Variants in HIVEP1 observed in about 807,000 individuals in gnomAD.
HIVEP1 encodes the protein HIVEP zinc finger 1, also known as zinc finger protein 40.
Under a neutral mutation model 180.0 loss-of-function variants are expected in HIVEP1, and 36 were observed. The observed-to-expected ratio is 0.20, with a 90% confidence interval of 0.15 to 0.26. HIVEP1 has a LOEUF of 0.26. Ranked by LOEUF, HIVEP1 falls within the 10% of genes least tolerant of loss-of-function variation. HIVEP1 has a pLI of 1.00. For missense variants in HIVEP1, 3,143 were observed against 3,268.7 expected (o/e 0.96, Z 0.94); for synonymous variants, 1,239 against 1,239.0 (o/e 1.00, Z 0.00).
intron 3 of HIVEP1, among the ~76,000 whole-genome samples, chr6:12,097,018 G>T (rs185733736): frequency 3.9e-5 from 6 of 152,150 alleles, no homozygotes; most frequent in African/African-American, 1.2e-4. Flanking sequence ...TATGGCTAGA[G>T]GAAAGGCTAG....
At chr6:12,108,906 G>C (rs746130068) in intron 3 of HIVEP1, among the ~76,000 whole-genome samples, 1 of 152,248 alleles carries the variant, frequency 6.6e-6, no homozygotes, top group African/African-American at 2.4e-5. Flanking sequence ...AGGAGGCGCC[G>C]AGAGGGAGCG....
At chr6:12,129,981 A>G in intron 5 of HIVEP1, 89 bp downstream of exon 5, 1 of 842,278 alleles carries the variant, frequency 1.2e-6, no homozygotes, top group Non-Finnish European at 1.9e-6. Context: ...CTTAGTGCCA[A>G]TTTAGTATCG....
At chr6:12,173,717 T>C in the HIVEP1 span, among the ~76,000 whole-genome samples, 1 of 152,212 alleles carries the variant, frequency 6.6e-6, no homozygotes, top group Non-Finnish European at 1.5e-5. Flanking sequence ...TTGAATTTGC[T>C]TGAGACAAGA....
intron 3 of HIVEP1, among the ~76,000 whole-genome samples, chr6:12,096,467 C>T (rs1174648333): frequency 6.6e-6 from 1 of 151,696 alleles, no homozygotes; most frequent in Non-Finnish European, 1.5e-5. Flanking sequence ...ATCATGAACT[C>T]TAATTGGTGT....
the HIVEP1 span, among the ~76,000 whole-genome samples, chr6:12,194,918 A>G: frequency 6.6e-6 from 1 of 152,232 alleles, no homozygotes; most frequent in African/African-American, 2.4e-5. Context: ...AGAAGAGCCA[A>G]AAAGGACAGA....
At chr6:12,098,975 G>A (rs1228757750) in intron 3 of HIVEP1, among the ~76,000 whole-genome samples, 1 of 152,158 alleles carries the variant, frequency 6.6e-6, no homozygotes, top group Non-Finnish European at 1.5e-5. Context: ...TTTAAGAAAA[G>A]CGTTGGAAGT....
chr6:12,156,246 A>G (rs967273017), intron 7 of HIVEP1, among the ~76,000 whole-genome samples: 3 of 152,188 alleles, frequency 2.0e-5, no homozygotes, highest in Non-Finnish European at 4.4e-5. Flanking sequence ...GAAGCTCTGC[A>G]GTTTAATTAG....
the HIVEP1 span, among the ~76,000 whole-genome samples, chr6:12,206,218 C>G: frequency 6.6e-6 from 1 of 152,170 alleles, no homozygotes; most frequent in East Asian, 1.9e-4. Flanking sequence ...ACTGCAACCT[C>G]CACCTCCTGA....
chr6:12,166,259 G>A (rs1331071271), downstream of HIVEP1, among the ~76,000 whole-genome samples: 1 of 152,150 alleles, frequency 6.6e-6, no homozygotes, highest in Non-Finnish European at 1.5e-5. Context: ...ATTAAGTACA[G>A]ATGACTTCTC....
intron 2 of HIVEP1, among the ~76,000 whole-genome samples, chr6:12,016,406 T>C (rs1271413079): frequency 6.6e-6 from 1 of 152,186 alleles, no homozygotes; most frequent in Non-Finnish European, 1.5e-5. Flanking sequence ...AAACAAGAAC[T>C]ATTAAAGCAA....
intron 2 of HIVEP1, among the ~76,000 whole-genome samples, chr6:12,078,537 A>G (rs1772527602): frequency 6.6e-6 from 1 of 151,756 alleles, no homozygotes; most frequent in African/African-American, 2.4e-5. Context: ...AGAGTTCACT[A>G]CACTTAGTGG....
rs879651388 is a variant in HIVEP1, at chr6:12,115,099, A to G, written c.95-4791A>G. Among the ~76,000 whole-genome samples the G allele has an allele frequency of 7.9e-5, 12 of 152,288 alleles. 1 individual carries two copies. The highest frequency in any genetic ancestry group is 1.4e-4 in the African/African-American group (6 of 41,558). On this transcript the variant is annotated intron_variant, in intron 3 of 8. Transcript: ENST00000379388. ...TGGTTTATCATCCCTACTACTTACC[A>G]TAAGAATATGCTTTACCACACTTTA... is the stretch of plus-strand genomic sequence containing the variant.
At chr6:12,152,664 G>T (rs1759773419) in intron 7 of HIVEP1, among the ~76,000 whole-genome samples, 1 of 152,184 alleles carries the variant, frequency 6.6e-6, no homozygotes, top group Non-Finnish European at 1.5e-5. Flanking sequence ...GTCTCCTCTA[G>T]CAGAGATTTC....
chr6:12,129,606 ATAAAG>A (rs755673235), intron 4 of HIVEP1, 148 bp from the exon 5 acceptor site: 15 of 713,188 alleles, frequency 2.1e-5, no homozygotes, highest in African/African-American at 1.6e-4. Flanking sequence ...AAGGGAGGAG[ATAAAG>A]TAAATGCCCT....
Position 12,120,591 on chromosome 6 carries a change from A to G in HIVEP1, c.796A>G (p.Met266Val), listed in dbSNP as rs2113507841. The G allele has an allele frequency of 6.2e-7, 1 of 1,614,142 alleles. No individual in the cohort carries two copies. ...TTCTTGTACCTCATACACAGTCCATATGTCTGCTGCTCAGAAGAATGAGCA... is the reference window on the plus strand; with the variant it reads ...TTCTTGTACCTCATACACAGTCCATGTGTCTGCTGCTCAGAAGAATGAGCA... ...QSSCTSYTVH[M>V]SAAQKNEQGA... Residue 266 changes from methionine (M) to valine (V), a missense_variant, in exon 4 of 9, where the codon ATG becomes GTG. This residue lies in a region of HIVEP1 where 306 missense variants were observed against 310.6 expected (regional missense o/e 0.99). Transcript: ENST00000379388.
chr6:12,183,702 C>T, the HIVEP1 span, among the ~76,000 whole-genome samples: 2 of 151,434 alleles, frequency 1.3e-5, no homozygotes, highest in African/African-American at 4.9e-5. Flanking sequence ...TTCGTCTAGC[C>T]ATCTACACTC....
the HIVEP1 span, among the ~76,000 whole-genome samples, chr6:12,211,188 A>G: frequency 1.4e-5 from 2 of 139,848 alleles, no homozygotes; most frequent in Non-Finnish European, 3.1e-5. Context: ...TCACGAGGTC[A>G]GGAGATTGAG....
Position 12,121,510 on chromosome 6 carries a change from C to G in HIVEP1, c.1715C>G (p.Pro572Arg), listed in dbSNP as rs1479187340. 2 of 1,614,034 alleles carry G rather than the reference C, an allele frequency of 1.2e-6. No individual in the cohort carries two copies. ...KVVVHHVTVSPLRTDSPKAMD... is the reference protein window; with the variant it reads ...KVVVHHVTVSRLRTDSPKAMD... Reference sequence around the variant, plus strand: ...GTGGTCCACCATGTCACTGTGTCCCCCTTAAGAACTGACAGTCCAAAGGCC... The same window carrying G: ...GTGGTCCACCATGTCACTGTGTCCCGCTTAAGAACTGACAGTCCAAAGGCC... The change falls in exon 4 of 9, where the codon CCC becomes CGC. Residue 572 changes from proline to arginine, a missense_variant. Around this residue, in one of 12 missense-constraint regions of HIVEP1, gnomAD observed 365 missense variants for 344.4 expected, o/e 1.06. Transcript: ENST00000379388. The surrounding 1 kb of genome is among the most constrained non-coding windows in gnomAD (Gnocchi z 5.3).
chr6:12,046,671 C>T lies in HIVEP1; in HGVS notation c.40+31003C>T, dbSNP rs1446804126. On this transcript the variant is annotated intron_variant, in intron 2 of 8. Transcript: ENST00000379388. ...GCGCGTGCCTGTAGTCCCAGCTACT[C>T]GGAAGGCTGAGGCAGGAGAATCACT... 1.1e-4 allele frequency among the ~76,000 whole-genome samples: 16 copies of T among 151,654 alleles called. 1 individual carries two copies. Among genetic ancestry groups the T allele is most frequent in the African/African-American group, 3.6e-4 (15 of 41,262 alleles).
Sources: allele counts gnomAD v4.1 joint callset (sites outside exome capture counted in the v4.1 genomes callset), GRCh38; gene constraint gnomAD v4.1.1; regional missense constraint gnomAD v4.1.1; non-coding constraint Gnocchi (gnomAD v3.1); transcripts MANE v1.5; gene names NCBI Gene and HGNC (gene_info 2026-07-23, HGNC 2026-07-21).